MECOM: variants seen among roughly 807,000 people sequenced by gnomAD.
The protein encoded by MECOM is histone-lysine N-methyltransferase MECOM.
MECOM carries 13 observed loss-of-function variants against 116.3 expected under a neutral mutation model. That is an observed-to-expected ratio of 0.11 (90% CI 0.07 to 0.18). The LOEUF is 0.18. Among genes scored for constraint, MECOM ranks in the 10% least tolerant of loss-of-function variants. The pLI is 1.00. For synonymous variants in MECOM, 528 were observed against 535.2 expected, an observed-to-expected ratio of 0.99 and a Z score of 0.19; for missense variants, 1,299 against 1,509.0, an observed-to-expected ratio of 0.86 and a Z score of 2.31.
chr3:169,323,867 G>A (rs1320669126), intron 2 of MECOM, among the ~76,000 whole-genome samples: 1 of 152,178 alleles, frequency 6.6e-6, no homozygotes, highest in Non-Finnish European at 1.5e-5. Context: ...ATCTGTGCAA[G>A]GAAGACTTGG....
At chr3:169,506,639 G>C (rs1211025962) in intron 1 of MECOM, among the ~76,000 whole-genome samples, 2 of 151,864 alleles carry the variant, frequency 1.3e-5, no homozygotes, top group Non-Finnish European at 2.9e-5. Context: ...TTCTTCCAGG[G>C]GTTATATATT....
At chr3:169,141,619 A>G (rs1738131906) in intron 3 of MECOM, among the ~76,000 whole-genome samples, 2 of 152,138 alleles carry the variant, frequency 1.3e-5, no homozygotes, top group South Asian at 4.1e-4. Context: ...TGGATTTTAG[A>G]ATATTCATAT....
intron 1 of MECOM, among the ~76,000 whole-genome samples, chr3:169,460,479 A>G (rs1283647196): frequency 6.6e-6 from 1 of 152,228 alleles, no homozygotes; most frequent in Admixed American, 6.5e-5. Context: ...CATTTTACAA[A>G]CTGAGAATCA....
chr3:169,299,905 A>G (rs763269315), intron 2 of MECOM, among the ~76,000 whole-genome samples: 5 of 152,190 alleles, frequency 3.3e-5, no homozygotes, highest in Non-Finnish European at 7.3e-5. Context: ...ATGAATGTGG[A>G]TAAGTATTGA....
Position 169,535,090 on chromosome 3 carries a change from C to T in MECOM, c.37+128246G>A, listed in dbSNP as rs188679590. On this transcript the variant is annotated intron_variant, in intron 1 of 16. Transcript: ENST00000651503. ...CAGACAGAGGGATCTGAAACCTGGG[C>T]CAACTTTCCCTGAACTGCCTACCTC... Among the ~76,000 whole-genome samples, 3 of 152,294 alleles carry T rather than the reference C, an allele frequency of 2.0e-5. No homozygotes were observed. In the East Asian group the frequency reaches 5.8e-4, roughly 29 times the overall value.
At chr3:169,565,873 C>G (rs571590176) in intron 1 of MECOM, 7 of 408,596 alleles carry the variant, frequency 1.7e-5, no homozygotes, top group South Asian at 1.1e-4. Context: ...GCATGCACAC[C>G]ACTGGTAACC....
chr3:169,197,493 CT>C (rs1414515616), intron 2 of MECOM, among the ~76,000 whole-genome samples: 7 of 152,032 alleles, frequency 4.6e-5, no homozygotes. Context: ...AGCTTCTGAT[CT>C]TAGCCATATT....
At chr3:169,111,461 G>A (rs1242043796) in intron 9 of MECOM, among the ~76,000 whole-genome samples, 1 of 152,052 alleles carries the variant, frequency 6.6e-6, no homozygotes, top group Non-Finnish European at 1.5e-5. Context: ...CAAAATATGT[G>A]CTACATTCCA....
At chr3:169,412,285 CAA>C (rs10687946) in intron 1 of MECOM, among the ~76,000 whole-genome samples, 302 of 104,878 alleles carry the variant, frequency 2.9e-3, no homozygotes, top group Admixed American at 4.7e-3. Context: ...GACTCTGTCT[CAA>C]AAAAAAAAAA....
intron 3 of MECOM, among the ~76,000 whole-genome samples, chr3:169,137,838 A>G (rs1261861725): frequency 1.3e-5 from 2 of 152,060 alleles, no homozygotes; most frequent in Admixed American, 6.6e-5. Context: ...AAAGATGCAC[A>G]TTATTATACA....
chr3:169,536,128 G>C (rs1173540241), intron 1 of MECOM, among the ~76,000 whole-genome samples: 1 of 152,082 alleles, frequency 6.6e-6, no homozygotes, highest in Non-Finnish European at 1.5e-5. Flanking sequence ...TCTGTGCCTT[G>C]CCTTGTTCTG....
chr3:169,442,652 C>T (rs946183657), intron 1 of MECOM, among the ~76,000 whole-genome samples: 4 of 152,084 alleles, frequency 2.6e-5, no homozygotes, highest in African/African-American at 9.7e-5. Context: ...ATAAAGACAT[C>T]AAAAGAGGCA....
chr3:169,092,566 C>G (rs1720087315), intron 14 of MECOM, among the ~76,000 whole-genome samples: 1 of 151,978 alleles, frequency 6.6e-6, no homozygotes, highest in Non-Finnish European at 1.5e-5. Context: ...TGACGGCTTT[C>G]TCTTCTACTT....
chr3:169,292,233 C>T lies in MECOM; in HGVS notation c.375+88954G>A, dbSNP rs538890781. Among the ~76,000 whole-genome samples the T allele has an allele frequency of 5.9e-5, 9 of 152,182 alleles. 1 individual carries two copies. The highest frequency in any genetic ancestry group is 1.9e-4 in the African/African-American group (8 of 41,524). On this transcript the variant is annotated intron_variant, in intron 2 of 16. Coordinates refer to ENST00000651503, the MANE Select transcript of MECOM (RefSeq NM_004991.4). ...TGGAGTGCATCTGTAATCCCAGCTA[C>T]TCGGGCCAGAGAATCATTTGAACCC...
chr3:169,550,852 C>G (rs1317160198), intron 1 of MECOM, among the ~76,000 whole-genome samples: 1 of 74,232 alleles, frequency 1.3e-5, no homozygotes, highest in African/African-American at 4.4e-5. Context: ...GAGACGGAGT[C>G]TCGCTCTGTC....
chr3:169,419,682 C>T (rs1739371111), intron 1 of MECOM, among the ~76,000 whole-genome samples: 1 of 152,126 alleles, frequency 6.6e-6, no homozygotes, highest in African/African-American at 2.4e-5. Context: ...CAATACCATT[C>T]AGGACATAGG....
chr3:169,378,465 GCAAGCAAGCA>G lies in MECOM; in HGVS notation c.375+2712_375+2721del, dbSNP rs1180074116. 7.1e-3 allele frequency among the ~76,000 whole-genome samples: 444 copies of G among 62,194 alleles called. 34 individuals are homozygous for G. The highest frequency in any genetic ancestry group is 0.019 in the East Asian group (45 of 2,322). 40.8% of individuals were successfully genotyped at this position (62,194 alleles called of 152,430 possible). A position where few individuals can be genotyped will look rare whatever the true frequency, so the allele number is the denominator to read the frequency against. On this transcript the variant is annotated intron_variant, in intron 2 of 16. Coordinates refer to ENST00000651503, the MANE Select transcript of MECOM (RefSeq NM_004991.4). ...AGAAAGAAAGAAGGAAAGCAAGCAA[GCAAGCAAGCA>G]AGAAAGAGAGAGAGAAAGAAAGAAA...
At chr3:169,144,880 C>T (rs1441098935) in intron 2 of MECOM, 8 of 757,740 alleles carry the variant, frequency 1.1e-5, no homozygotes, top group Admixed American at 2.4e-5. Context: ...CTACAGATCT[C>T]TGCTGTATGC....
chr3:169,250,515 G>A (rs758021246), intron 2 of MECOM, among the ~76,000 whole-genome samples: 10 of 152,208 alleles, frequency 6.6e-5, no homozygotes, highest in Admixed American at 4.6e-4. Context: ...TGTCTCACTC[G>A]TTAATATTAG....
Sources: allele counts gnomAD v4.1 joint callset (sites outside exome capture counted in the v4.1 genomes callset), GRCh38; gene constraint gnomAD v4.1.1; transcripts MANE v1.5; gene names NCBI Gene and HGNC (gene_info 2026-07-23, HGNC 2026-07-21).